The following FAM171B variants were observed in gnomAD, a reference collection of about 807,000 sequenced individuals.
FAM171B encodes protein FAM171B.
Under a neutral mutation model 75.6 loss-of-function variants are expected in FAM171B, and 19 were observed. That is an observed-to-expected ratio of 0.25 (90% CI 0.18 to 0.37). The LOEUF (loss-of-function observed/expected upper bound fraction) is 0.37, where lower values mean the gene tolerates loss of function less well. FAM171B is among the 10% of genes least tolerant of loss of function. The pLI is 1.00. For synonymous variants in FAM171B, 367 were observed against 361.7 expected (o/e 1.01, Z -0.17); for missense variants, 848 against 982.4 (o/e 0.86, Z 1.83).
chr2:186,760,997 G>T (rs1310945813), intron 6 of FAM171B, 116 bp from the exon 7 acceptor site: 15 of 1,070,576 alleles, frequency 1.4e-5, no homozygotes, highest in Non-Finnish European at 2.0e-5. Context: ...GTCATAGGAG[G>T]GGGGCAAACA....
At chr2:186,744,686 C>T (rs1690341913) in intron 3 of FAM171B, among the ~76,000 whole-genome samples, 3 of 152,084 alleles carry the variant, frequency 2.0e-5, no homozygotes, top group East Asian at 1.9e-4. Flanking sequence ...TGCCACCACA[C>T]CCAGCTAGTT....
chr2:186,705,343 T>C (rs910026285), intron 1 of FAM171B, among the ~76,000 whole-genome samples: 4 of 152,100 alleles, frequency 2.6e-5, no homozygotes, highest in African/African-American at 2.4e-5. Flanking sequence ...GGACATGTCT[T>C]ATGGAAAGCT....
At chr2:186,713,254 G>T (rs1375157559) in intron 1 of FAM171B, among the ~76,000 whole-genome samples, 1 of 152,190 alleles carries the variant, frequency 6.6e-6, no homozygotes, top group Non-Finnish European at 1.5e-5. Flanking sequence ...CATGTAACCA[G>T]TAAGACTCAT....
chr2:186,701,332 T>C (rs565250295), intron 1 of FAM171B, among the ~76,000 whole-genome samples: 2 of 152,328 alleles, frequency 1.3e-5, no homozygotes, highest in South Asian at 4.1e-4. Context: ...TCCATCCTCT[T>C]ATGTAGTTAC....
At chr2:186,730,491 T>G (rs1476727051) in intron 1 of FAM171B, among the ~76,000 whole-genome samples, 1 of 152,154 alleles carries the variant, frequency 6.6e-6, no homozygotes, top group Non-Finnish European at 1.5e-5. Flanking sequence ...TTGTTTCCAT[T>G]TTGAGCTAGA....
chr2:186,761,002 C>T, intron 6 of FAM171B, 111 bp from the exon 7 acceptor site: 2 of 1,139,336 alleles, frequency 1.8e-6, no homozygotes, highest in South Asian at 1.8e-5. Context: ...AGGAGGGGGG[C>T]AAACAAATAA....
chr2:186,748,882 A>T (rs992682759), intron 4 of FAM171B, among the ~76,000 whole-genome samples: 1 of 152,194 alleles, frequency 6.6e-6, no homozygotes, highest in Non-Finnish European at 1.5e-5. Context: ...TGGTATCTGT[A>T]CACACTATCA....
At chr2:186,730,513 TAGTC>T (rs1245095651) in intron 1 of FAM171B, among the ~76,000 whole-genome samples, 1 of 152,176 alleles carries the variant, frequency 6.6e-6, no homozygotes, top group Non-Finnish European at 1.5e-5. Context: ...AGGACCCTGT[TAGTC>T]AGGCCTGTAT....
chr2:186,721,769 G>T (rs1320411688), intron 1 of FAM171B, among the ~76,000 whole-genome samples: 1 of 151,838 alleles, frequency 6.6e-6, no homozygotes, highest in Non-Finnish European at 1.5e-5. Context: ...GCTTAATAAA[G>T]TATGTAGCAT....
Position 186,710,170 on chromosome 2 carries a change from C to G in FAM171B, c.238+15759C>G, listed in dbSNP as rs150274999. Reference sequence around the variant, plus strand: ...CCTGAAATTCTGTAACTGTTCCAGGCTGGGGGAACTGAGACACTGAGACAG... The same window carrying G: ...CCTGAAATTCTGTAACTGTTCCAGGGTGGGGGAACTGAGACACTGAGACAG... On this transcript the variant is annotated intron_variant, in intron 1 of 7. Coordinates refer to ENST00000304698, the MANE Select transcript of FAM171B (RefSeq NM_177454.4). Among the ~76,000 whole-genome samples the G allele has an allele frequency of 9.6e-3, 1,464 of 152,240 alleles. 43 individuals carry two copies. The highest frequency in any genetic ancestry group is 0.055 in the Admixed American group (846 of 15,288).
chr2:186,761,738 G>A lies in FAM171B; in HGVS notation c.1396G>A (p.Asp466Asn), dbSNP rs1441827798. The A allele has an allele frequency of 2.5e-6, 4 of 1,613,280 alleles. No individual in the cohort carries two copies. Among genetic ancestry groups the A allele is most frequent in the Non-Finnish European group, 3.4e-6 (4 of 1,179,692 alleles). ...TRDDFKIYNE[D>N]VSFLSVNQNN... ...GGACGATTTTAAAATCTACAATGAAGATGTTTCATTTCTATCAGTCAATCA... is the reference window on the plus strand; with the variant it reads ...GGACGATTTTAAAATCTACAATGAAAATGTTTCATTTCTATCAGTCAATCA... Residue 466 changes from aspartate (D) to asparagine (N), a missense_variant, in exon 8 of 8, where the codon GAT becomes AAT. Asp to Asn is a conservative substitution (Grantham distance 23). This residue lies in a region of FAM171B where 665 missense variants were observed against 729.0 expected (regional missense o/e 0.91). Transcript: ENST00000304698.
intron 4 of FAM171B, among the ~76,000 whole-genome samples, chr2:186,747,771 C>A (rs540105434): frequency 1.3e-5 from 2 of 152,150 alleles, no homozygotes; most frequent in South Asian, 4.1e-4. Flanking sequence ...CAACAGCACT[C>A]ATATATTTCT....
intron 1 of FAM171B, among the ~76,000 whole-genome samples, chr2:186,728,957 G>A (rs1690073636): frequency 1.3e-5 from 2 of 151,854 alleles, no homozygotes; most frequent in African/African-American, 4.8e-5. Flanking sequence ...AAGCCCTTTT[G>A]GACTTTTAGT....
At position 186,709,226 on chromosome 2, in the gene FAM171B, C is replaced by T. The variant is rs959989512; in HGVS notation, c.238+14815C>T. Among the ~76,000 whole-genome samples, 7 of 152,114 alleles carry T rather than the reference C, an allele frequency of 4.6e-5. No homozygotes were observed. The South Asian group carries it at 1.5e-3, about 32-fold the overall frequency. ...ATGATCCAGTCACCTCCCACCAGGCCCCATCTCCGACACTGAGGATTACAT... is the reference window on the plus strand; with the variant it reads ...ATGATCCAGTCACCTCCCACCAGGCTCCATCTCCGACACTGAGGATTACAT... On this transcript the variant is annotated intron_variant, in intron 1 of 7. Transcript: ENST00000304698.
At chr2:186,733,666 T>G (rs902731416) in intron 1 of FAM171B, among the ~76,000 whole-genome samples, 5 of 151,274 alleles carry the variant, frequency 3.3e-5, no homozygotes, top group Non-Finnish European at 4.4e-5. Flanking sequence ...GAGTGGGGGG[T>G]GTGTGAATGA....
Position 186,762,948 on chromosome 2 carries a change from G to C in FAM171B, c.*125G>C. The C allele has an allele frequency of 8.7e-7, 1 of 1,146,092 alleles. No homozygotes were observed. Among genetic ancestry groups the C allele is most frequent in the Non-Finnish European group, 1.2e-6 (1 of 812,060 alleles). 71.0% of individuals were successfully genotyped at this position (1,146,092 alleles called of 1,614,324 possible). A position where few individuals can be genotyped will look rare whatever the true frequency, so the allele number is the denominator to read the frequency against. On this transcript the variant is annotated 3_prime_UTR_variant, in exon 8 of 8. Transcript: ENST00000304698. This position sits in a 1 kb window ranked among gnomAD's most constrained non-coding sequence, Gnocchi z 4.0. ...ATGGTTCTTGGACATGTCTCAAGCA[G>C]AGTAAATGGTAATTCAGTAATCAGA... is the stretch of plus-strand genomic sequence containing the variant.
At chr2:186,760,055 A>G (rs1248183186) in intron 6 of FAM171B, among the ~76,000 whole-genome samples, 1 of 152,050 alleles carries the variant, frequency 6.6e-6, no homozygotes, top group African/African-American at 2.4e-5. Flanking sequence ...CCTTTCCCCA[A>G]TATATGTTCT....
intron 1 of FAM171B, among the ~76,000 whole-genome samples, chr2:186,738,980 A>G (rs1305459363): frequency 6.6e-6 from 1 of 152,176 alleles, no homozygotes; most frequent in Non-Finnish European, 1.5e-5. Context: ...CACCTAGGTT[A>G]TATGGTATAG....
intron 1 of FAM171B, among the ~76,000 whole-genome samples, chr2:186,733,762 A>G (rs934332898): frequency 6.6e-6 from 1 of 152,180 alleles, no homozygotes; most frequent in African/African-American, 2.4e-5. Flanking sequence ...AACTCCCTGC[A>G]AGGCTGTGGC....
Sources: allele counts gnomAD v4.1 joint callset (sites outside exome capture counted in the v4.1 genomes callset), GRCh38; gene constraint gnomAD v4.1.1; regional missense constraint gnomAD v4.1.1; non-coding constraint Gnocchi (gnomAD v3.1); transcripts MANE v1.5; gene names NCBI Gene and HGNC (gene_info 2026-07-23, HGNC 2026-07-21).